LRRTM3: variants seen among roughly 807,000 people sequenced by gnomAD.
LRRTM3 encodes the protein leucine-rich repeat transmembrane neuronal protein 3.
LRRTM3 carries 24 observed loss-of-function variants against 44.7 expected under a neutral mutation model. The observed-to-expected ratio is 0.54, with a 90% CI of 0.39 to 0.76. The LOEUF (loss-of-function observed/expected upper bound fraction) is 0.76. Ranked by LOEUF, LRRTM3 falls within the 30% of genes least tolerant of loss-of-function variation. The probability of loss-of-function intolerance (pLI) is 0.00; values close to 1 mark genes in which losing one functional copy is unlikely to be tolerated. For missense variants in LRRTM3, 587 were observed against 702.2 expected (o/e 0.84, Z 1.85); for synonymous variants, 277 against 278.7 (o/e 0.99, Z 0.06).
chr10:66,932,596 C>A (rs1847465418), intron 2 of LRRTM3, among the ~76,000 whole-genome samples: 2 of 151,926 alleles, frequency 1.3e-5, no homozygotes, highest in African/African-American at 4.8e-5. Context: ...ACAATGAGCA[C>A]AACAGAATAT....
intron 2 of LRRTM3, among the ~76,000 whole-genome samples, chr10:67,021,281 C>T (rs1008216146): frequency 6.6e-6 from 1 of 152,142 alleles, no homozygotes; most frequent in Non-Finnish European, 1.5e-5. Context: ...TACCATTTCA[C>T]ACCTTTAAAA....
In LRRTM3 at chr10:66,927,657, C is replaced by G; in HGVS notation, c.741C>G (p.Thr247=). Residue 247 remains threonine (T), a synonymous_variant, in exon 2 of 3, where the codon ACC becomes ACG. Coordinates refer to ENST00000361320, the MANE Select transcript of LRRTM3 (RefSeq NM_178011.5). The surrounding 1 kb of genome is among the most constrained non-coding windows in gnomAD (Gnocchi z 4.7). ...ATAAAATCAGTGTCATAGGACAGAC[C>G]ATGTCCTGGACCTGGAGCTCCTTAC... ...QWNKISVIGQ[T]MSWTWSSLQR... The G allele has an allele frequency of 6.2e-7, 1 of 1,614,140 alleles. No individual in the cohort carries two copies. The highest frequency in any genetic ancestry group is 2.2e-5 in the East Asian group (1 of 44,876).
intron 2 of LRRTM3, among the ~76,000 whole-genome samples, chr10:67,067,505 A>G (rs548919263): frequency 6.6e-6 from 1 of 152,366 alleles, no homozygotes; most frequent in South Asian, 2.1e-4. Context: ...GGCAGGTTTC[A>G]GATCAGAAAT....
intron 2 of LRRTM3, among the ~76,000 whole-genome samples, chr10:66,986,886 A>G (rs1289522579): frequency 6.6e-6 from 1 of 152,202 alleles, no homozygotes; most frequent in East Asian, 1.9e-4. Flanking sequence ...CTGTGAATAC[A>G]GAAGTGCACC....
chr10:66,965,173 CCCTGGATTTAGGTA>C (rs2132793968), intron 2 of LRRTM3, among the ~76,000 whole-genome samples: 1 of 152,170 alleles, frequency 6.6e-6, no homozygotes, highest in African/African-American at 2.4e-5. Context: ...GCAGACAATG[CCCTGGATTTAGGTA>C]CTAGTCTCCT....
chr10:67,025,536 A>T (rs907923964), intron 2 of LRRTM3, among the ~76,000 whole-genome samples: 1 of 152,142 alleles, frequency 6.6e-6, no homozygotes, highest in Non-Finnish European at 1.5e-5. Flanking sequence ...AAAGGGTGAA[A>T]ATGTATTTTG....
At position 67,049,625 on chromosome 10, in the gene LRRTM3, A is replaced by T. The variant is rs752984345; in HGVS notation, c.1537-47962A>T. Among the ~76,000 whole-genome samples the T allele has an allele frequency of 1.0e-3, 159 of 152,136 alleles. 5 individuals are homozygous for T. Among genetic ancestry groups the T allele is most frequent in the Non-Finnish European group, 3.7e-4 (25 of 68,002 alleles). On this transcript the variant is annotated intron_variant, in intron 2 of 2. Coordinates refer to ENST00000361320, the MANE Select transcript of LRRTM3 (RefSeq NM_178011.5). The stretch of plus-strand genomic sequence containing the variant: ...AAAGGGAAAATAAACAACAAAACTA[A>T]AACAACCATTGAACCAACACACCTG...
chr10:66,977,446 A>C (rs1035209005), intron 2 of LRRTM3, among the ~76,000 whole-genome samples: 1 of 151,942 alleles, frequency 6.6e-6, no homozygotes, highest in Non-Finnish European at 1.5e-5. Context: ...AAAAAAAAAA[A>C]AATGTATAAA....
chr10:67,039,022 G>A (rs1026292015), intron 2 of LRRTM3, among the ~76,000 whole-genome samples: 8 of 152,078 alleles, frequency 5.3e-5, no homozygotes, highest in Admixed American at 1.3e-4. Flanking sequence ...TAGAAAATTC[G>A]TGTTAGAAAG....
chr10:66,979,422 T>G (rs1850284339), intron 2 of LRRTM3, among the ~76,000 whole-genome samples: 1 of 152,172 alleles, frequency 6.6e-6, no homozygotes, highest in Admixed American at 6.5e-5. Flanking sequence ...TGTATATTTA[T>G]ATTAAAAGAA....
rs1441860169 is a variant in LRRTM3 at position 67,086,969 on chromosome 10, G to C, written c.1537-10618G>C. Among the ~76,000 whole-genome samples, 5 of 151,926 alleles carry C rather than the reference G, an allele frequency of 3.3e-5. No individual in the cohort carries two copies. In the East Asian group the frequency reaches 9.7e-4, roughly 29 times the overall value. ...AAGGGGATTAAAAAAAGGAAAAGAA[G>C]AATGAGATGTTTTCATACTGATTAG... On this transcript the variant is annotated intron_variant, in intron 2 of 2. Coordinates refer to ENST00000361320, the MANE Select transcript of LRRTM3 (RefSeq NM_178011.5).
At chr10:67,045,017 T>TC (rs991916777) in intron 2 of LRRTM3, among the ~76,000 whole-genome samples, 72 of 152,020 alleles carry the variant, frequency 4.7e-4, no homozygotes, top group Non-Finnish European at 4.0e-4. Context: ...TAAATGTTAA[T>TC]CCCCCCAGGT....
At chr10:66,973,565 A>G (rs1044630618) in intron 2 of LRRTM3, among the ~76,000 whole-genome samples, 3 of 152,230 alleles carry the variant, frequency 2.0e-5, no homozygotes, top group African/African-American at 7.2e-5. Context: ...TTAGCAATAT[A>G]TAATTTATTT....
chr10:67,066,336 G>C (rs1856081463), intron 2 of LRRTM3, among the ~76,000 whole-genome samples: 1 of 151,720 alleles, frequency 6.6e-6, no homozygotes, highest in Non-Finnish European at 1.5e-5. Context: ...GGGACTACAG[G>C]TGTGCGCCAC....
chr10:67,081,948 G>A (rs1422988343), intron 2 of LRRTM3, among the ~76,000 whole-genome samples: 2 of 152,070 alleles, frequency 1.3e-5, no homozygotes, highest in Non-Finnish European at 2.9e-5. Context: ...AGAGCTCCTT[G>A]AAAACAGTAT....
intron 2 of LRRTM3, among the ~76,000 whole-genome samples, chr10:67,001,484 G>A (rs1191319461): frequency 6.6e-6 from 1 of 151,624 alleles, no homozygotes; most frequent in Non-Finnish European, 1.5e-5. Context: ...TGGGAATGGG[G>A]GGCACAGACA....
intron 2 of LRRTM3, among the ~76,000 whole-genome samples, chr10:67,011,176 A>T (rs1480478186): frequency 6.6e-6 from 1 of 151,996 alleles, no homozygotes; most frequent in Non-Finnish European, 1.5e-5. Context: ...AAAAATACAA[A>T]AAATAAATAA....
intron 2 of LRRTM3, among the ~76,000 whole-genome samples, chr10:67,022,867 G>T (rs139696065): frequency 6.6e-6 from 1 of 152,150 alleles, no homozygotes. Context: ...GAACCCGGGT[G>T]GCGGAGGTTG....
rs1469451350 is a variant in LRRTM3, at chr10:67,098,011, G to T, written c.*215G>T. 8.9e-6 allele frequency: 5 copies of T among 561,844 alleles called. No individual in the cohort carries two copies. Among genetic ancestry groups the T allele is most frequent in the Admixed American group, 3.1e-5 (1 of 32,082 alleles). 34.8% of individuals were successfully genotyped at this position (561,844 alleles called of 1,614,324 possible). A position where few individuals can be genotyped will look rare whatever the true frequency, so the allele number is the denominator to read the frequency against. On this transcript the variant is annotated 3_prime_UTR_variant, in exon 3 of 3. Coordinates refer to ENST00000361320, the MANE Select transcript of LRRTM3 (RefSeq NM_178011.5). Reference sequence around the variant, plus strand: ...TTAGCTAAGTTGTGCAGTATTTTTTGACTTAAACAGAGTATGACCCTGAAA... The same window carrying T: ...TTAGCTAAGTTGTGCAGTATTTTTTTACTTAAACAGAGTATGACCCTGAAA...
Sources: gnomAD v4.1 joint callset for allele counts (sites outside exome capture counted in the v4.1 genomes callset) on GRCh38, gnomAD v4.1.1 for gene constraint, Gnocchi (gnomAD v3.1) non-coding constraint, MANE v1.5 for transcripts, NCBI Gene and HGNC (gene_info 2026-07-23, HGNC 2026-07-21) for gene names.